Variants in ATRN observed in about 807,000 individuals in gnomAD.
ATRN encodes attractin-2.
In ATRN, 54 loss-of-function variants were observed where a neutral mutation model predicts 178.7. The ratio of observed to expected loss-of-function variants is 0.30; its 90% CI spans 0.24 to 0.38. The LOEUF (loss-of-function observed/expected upper bound fraction) is 0.38. ATRN is among the 10% of genes least tolerant of loss of function. ATRN has a pLI of 1.00. For missense variants in ATRN, 1,443 were observed against 1,815.1 expected (o/e 0.79, Z 3.73); for synonymous variants, 636 against 663.0 (o/e 0.96, Z 0.63).
At chr20:3,612,077 T>C (rs979486845) in intron 24 of ATRN, among the ~76,000 whole-genome samples, 5 of 152,214 alleles carry the variant, frequency 3.3e-5, no homozygotes, top group African/African-American at 9.6e-5. Flanking sequence ...ATTTAACAGC[T>C]TTATTTATAA....
chr20:3,489,439 G>C, intron 1 of ATRN: 1 of 776,734 alleles, frequency 1.3e-6, no homozygotes, highest in Non-Finnish European at 2.3e-6. Flanking sequence ...GTAGCAAAGG[G>C]TCTTTAAGAG....
At chr20:3,509,488 A>G (rs1019150640) in intron 1 of ATRN, among the ~76,000 whole-genome samples, 2 of 149,494 alleles carry the variant, frequency 1.3e-5, no homozygotes, top group African/African-American at 5.0e-5. Flanking sequence ...TCAGAGGTAC[A>G]TGTTAACAAT....
At chr20:3,541,125 T>G (rs574121923) in intron 3 of ATRN, among the ~76,000 whole-genome samples, 29 of 150,566 alleles carry the variant, frequency 1.9e-4, no homozygotes, top group African/African-American at 6.4e-4. Context: ...TCGCCCAGGC[T>G]GGAATGCAGT....
chr20:3,472,452 A>T (rs1253458513), intron 1 of ATRN, among the ~76,000 whole-genome samples: 4 of 152,210 alleles, frequency 2.6e-5, no homozygotes, highest in Non-Finnish European at 5.9e-5. Context: ...GAGTGGGGAA[A>T]TGTGAACAAG....
At chr20:3,530,731 C>A (rs2085442165) in intron 1 of ATRN, among the ~76,000 whole-genome samples, 2 of 151,912 alleles carry the variant, frequency 1.3e-5, no homozygotes, top group African/African-American at 4.8e-5. Flanking sequence ...GTCCAAGGAA[C>A]TGTGGTCAAA....
In ATRN at chr20:3,574,846, C is replaced by T. The variant is rs74180394; in HGVS notation, c.2093-981C>T. Among the ~76,000 whole-genome samples, 919 of 152,232 alleles carry T rather than the reference C, an allele frequency of 6.0e-3. 7 individuals are homozygous for T. Among genetic ancestry groups the T allele is most frequent in the Middle Eastern group, 0.024 (7 of 294 alleles). ...GGACAGGAAGAGCAGCCTAAGGAGC[C>T]GACTGCTGGGGTCTTTGTGAGAGCG... On this transcript the variant is annotated intron_variant, in intron 12 of 28. Transcript: ENST00000262919.
intron 24 of ATRN, among the ~76,000 whole-genome samples, chr20:3,621,737 T>A (rs1272975696): frequency 2.6e-5 from 4 of 152,168 alleles, no homozygotes; most frequent in Non-Finnish European, 5.9e-5. Flanking sequence ...AAGATTTGAT[T>A]GGGATATTGT....
intron 25 of ATRN, among the ~76,000 whole-genome samples, chr20:3,630,111 T>C (rs2086978489): frequency 6.6e-6 from 1 of 152,164 alleles, no homozygotes; most frequent in Non-Finnish European, 1.5e-5. Context: ...CCCCCGCATC[T>C]GAGGCTCTTT....
intron 1 of ATRN, among the ~76,000 whole-genome samples, chr20:3,481,760 G>T (rs1235992345): frequency 2.1e-5 from 3 of 143,006 alleles, no homozygotes; most frequent in Non-Finnish European, 4.6e-5. Context: ...TTTTCACTTA[G>T]AGAAGTTAAT....
chr20:3,497,347 G>T (rs1034685777), intron 1 of ATRN, among the ~76,000 whole-genome samples: 1 of 151,606 alleles, frequency 6.6e-6, no homozygotes. Flanking sequence ...GCTCTTTTAG[G>T]GCAGGCCTGG....
At chr20:3,506,369 A>G (rs953837971) in intron 1 of ATRN, among the ~76,000 whole-genome samples, 1 of 152,182 alleles carries the variant, frequency 6.6e-6, no homozygotes, top group African/African-American at 2.4e-5. Context: ...CATGCTGGTA[A>G]TCTCAGCACT....
rs907410515 is a variant in ATRN at position 3,627,033 on chromosome 20, C to T, written c.3863+2461C>T. On this transcript the variant is annotated intron_variant, in intron 25 of 28. Coordinates refer to ENST00000262919, the MANE Select transcript of ATRN (RefSeq NM_139321.3). ...AACTCCTGACCTCAAGTGATCCACC[C>T]GCCTCTGCCTCCCAAAGTGCTGGGA... Among the ~76,000 whole-genome samples, 28 of 152,206 alleles carry T rather than the reference C, an allele frequency of 1.8e-4. No individual in the cohort carries two copies. In the East Asian group the frequency reaches 2.9e-3, roughly 16 times the overall value.
rs1002363374 is a variant in ATRN, at chr20:3,638,763, A to G, written c.3943-65A>G. 1 of 1,373,828 alleles carries G rather than the reference A, an allele frequency of 7.3e-7. No homozygotes were observed. Among genetic ancestry groups the G allele is most frequent in the Non-Finnish European group, 1.0e-6 (1 of 973,422 alleles). The allele number at this position is 1,373,828 out of a possible 1,614,324, so 85.1% of individuals were successfully genotyped here. On this transcript the variant is annotated intron_variant, in intron 26 of 28. Transcript: ENST00000262919. This position sits in a 1 kb window ranked among gnomAD's most constrained non-coding sequence, Gnocchi z 4.5. ...GGAGGATGAGGTGTTTTTAACATGT[A>G]GCATTAACTAATAAAACCCCTTCAG...
intron 19 of ATRN, among the ~76,000 whole-genome samples, chr20:3,592,269 G>A (rs1233566024): frequency 2.0e-5 from 3 of 151,894 alleles, no homozygotes; most frequent in African/African-American, 4.8e-5. Context: ...GCATGGTGGC[G>A]GGGGCCTGTA....
intron 18 of ATRN, among the ~76,000 whole-genome samples, chr20:3,590,276 C>T (rs2086421761): frequency 6.6e-6 from 1 of 152,150 alleles, no homozygotes; most frequent in Non-Finnish European, 1.5e-5. Context: ...CACTCAAATA[C>T]TAACAGGTGC....
intron 27 of ATRN, among the ~76,000 whole-genome samples, chr20:3,643,490 A>G (rs2087084531): frequency 6.6e-6 from 1 of 151,108 alleles, no homozygotes; most frequent in East Asian, 2.0e-4. Context: ...ACATAGTGAG[A>G]CCCCATTTCT....
At chr20:3,503,744 G>A (rs1381475099) in intron 1 of ATRN, among the ~76,000 whole-genome samples, 2 of 152,092 alleles carry the variant, frequency 1.3e-5, no homozygotes, top group East Asian at 1.9e-4. Context: ...TAATATTCAC[G>A]TAATTGGATT....
At chr20:3,598,061 A>G in intron 22 of ATRN, 61 bp downstream of exon 22, 1 of 1,111,942 alleles carries the variant, frequency 9.0e-7, no homozygotes, top group South Asian at 1.3e-5. Flanking sequence ...TTTCTTGGTC[A>G]TTACGGATGG....
chr20:3,516,669 C>T (rs953202868), intron 1 of ATRN, among the ~76,000 whole-genome samples: 1 of 152,106 alleles, frequency 6.6e-6, no homozygotes, highest in Non-Finnish European at 1.5e-5. Flanking sequence ...TTGACTCCCT[C>T]AGCTACCTAC....
Sources: gnomAD v4.1 joint callset for allele counts (sites outside exome capture counted in the v4.1 genomes callset) on GRCh38, gnomAD v4.1.1 for gene constraint, Gnocchi (gnomAD v3.1) non-coding constraint, MANE v1.5 for transcripts, NCBI Gene and HGNC (gene_info 2026-07-23, HGNC 2026-07-21) for gene names.